The following SIPA1L1 variants were observed in gnomAD, a reference collection of about 807,000 sequenced individuals.
SIPA1L1 encodes signal induced proliferation associated 1 like 1, also known as signal-induced proliferation-associated 1-like protein 1.
SIPA1L1 carries 26 observed loss-of-function variants against 162.7 expected under a neutral mutation model. That is an observed-to-expected ratio of 0.16 (90% CI 0.12 to 0.22). The LOEUF (loss-of-function observed/expected upper bound fraction) is 0.22. Among genes scored for constraint, SIPA1L1 ranks in the 10% least tolerant of loss-of-function variants. SIPA1L1 has a pLI of 1.00. For missense variants in SIPA1L1, 1,874 were observed against 2,241.0 expected, an observed-to-expected ratio of 0.84 and a Z score of 3.31; for synonymous variants, 829 against 837.4, an observed-to-expected ratio of 0.99 and a Z score of 0.17.
chr14:71,360,801 G>GT (rs2037737232), intron 2 of SIPA1L1, among the ~76,000 whole-genome samples: 1 of 152,158 alleles, frequency 6.6e-6, no homozygotes, highest in Non-Finnish European at 1.5e-5. Context: ...ATGAGGAAAT[G>GT]TATCTACTTG....
chr14:71,673,337 A>G (rs894624206), intron 12 of SIPA1L1, among the ~76,000 whole-genome samples: 2 of 152,220 alleles, frequency 1.3e-5, no homozygotes, highest in African/African-American at 2.4e-5. Context: ...GGACATGCAC[A>G]TGCTATTTTT....
chr14:71,658,477 CATTTCCTCTAG>C, intron 9 of SIPA1L1, 41 bp downstream of exon 9: 1 of 1,280,560 alleles, frequency 7.8e-7, no homozygotes, highest in Non-Finnish European at 1.1e-6. Context: ...ACCCTTGTTT[CATTTCCTCTAG>C]AAGCCTAAGT....
intron 20 of SIPA1L1, among the ~76,000 whole-genome samples, chr14:71,732,764 CTCTG>C (rs1337808580): frequency 2.6e-5 from 4 of 152,210 alleles, no homozygotes; most frequent in African/African-American, 4.8e-5. Flanking sequence ...CCTGTCTTAG[CTCTG>C]TCTGAGTAAC....
Position 71,650,490 on chromosome 14 carries a change from A to T in SIPA1L1, c.1974A>T (p.Arg658=), listed in dbSNP as rs1356892958. The change falls in exon 8 of 24, where the codon CGA becomes CGT. Residue 658 remains arginine (R), a synonymous_variant. Transcript: ENST00000381232. ...GGCTCAAAGGATTTGAGAAGTATCGAGCACAGCTTGATACCAAAAGTAAGA... is the reference window on the plus strand; with the variant it reads ...GGCTCAAAGGATTTGAGAAGTATCGTGCACAGCTTGATACCAAAAGTAAGA... ...RVRLKGFEKY[R]AQLDTKTDST... 1 of 1,614,042 alleles carries T rather than the reference A, an allele frequency of 6.2e-7. No individual in the cohort carries two copies. Among genetic ancestry groups the T allele is most frequent in the East Asian group, 2.2e-5 (1 of 44,894 alleles).
intron 17 of SIPA1L1, among the ~76,000 whole-genome samples, chr14:71,720,759 T>A (rs2083652442): frequency 6.6e-6 from 1 of 152,120 alleles, no homozygotes; most frequent in African/African-American, 2.4e-5. Flanking sequence ...GTCAATTGAA[T>A]TTTTCAACTC....
intron 2 of SIPA1L1, among the ~76,000 whole-genome samples, chr14:71,453,202 T>G (rs1047243823): frequency 6.6e-6 from 1 of 152,250 alleles, no homozygotes; most frequent in African/African-American, 2.4e-5. Context: ...CAGAACAATA[T>G]GCCAATAATG....
intron 2 of SIPA1L1, among the ~76,000 whole-genome samples, chr14:71,496,282 A>G (rs1443225200): frequency 6.6e-6 from 1 of 152,182 alleles, no homozygotes; most frequent in African/African-American, 2.4e-5. Flanking sequence ...CAGTCTGGGC[A>G]ACATAGCGAG....
intron 10 of SIPA1L1, among the ~76,000 whole-genome samples, chr14:71,668,576 G>A (rs1028283231): frequency 1.3e-5 from 2 of 152,100 alleles, no homozygotes; most frequent in Non-Finnish European, 2.9e-5. Flanking sequence ...ATGTAAAATC[G>A]AGGTGAATTT....
At chr14:71,702,326 C>A in intron 14 of SIPA1L1, 55 bp from the exon 15 acceptor site, 2 of 1,597,624 alleles carry the variant, frequency 1.3e-6, no homozygotes, top group Non-Finnish European at 1.7e-6. Flanking sequence ...GGACTGCCTT[C>A]CCCTCATGGG....
intron 2 of SIPA1L1, among the ~76,000 whole-genome samples, chr14:71,407,921 A>G (rs2041330): frequency 0.33 from 50,555 of 152,012 alleles, 10,606 homozygotes; most frequent in Non-Finnish European, 0.45. Flanking sequence ...CTTGGATTCA[A>G]TTATATTCCA....
chr14:71,590,029 AAAAAAAAAAAAAAAAATATAT>A (rs2035084677), intron 5 of SIPA1L1, among the ~76,000 whole-genome samples: 4 of 61,046 alleles, frequency 6.6e-5, no homozygotes, highest in African/African-American at 2.1e-4. Flanking sequence ...AGTAAAAAAA[AAAAAAAAAAAAAAAAATATAT>A]ATATATATAT....
chr14:71,429,266 C>T (rs1008785713), intron 2 of SIPA1L1, among the ~76,000 whole-genome samples: 2 of 152,128 alleles, frequency 1.3e-5, no homozygotes, highest in Non-Finnish European at 2.9e-5. Context: ...CCACTTCCCT[C>T]GTCCTGGTTC....
intron 2 of SIPA1L1, among the ~76,000 whole-genome samples, chr14:71,471,776 G>C (rs975955502): frequency 6.6e-6 from 1 of 152,220 alleles, no homozygotes; most frequent in Admixed American, 6.5e-5. Flanking sequence ...TAAGTTTGAC[G>C]TGCTTGGGAG....
chr14:71,721,921 G>C (rs2083775259), intron 17 of SIPA1L1, among the ~76,000 whole-genome samples: 2 of 152,238 alleles, frequency 1.3e-5, no homozygotes, highest in Admixed American at 6.5e-5. Context: ...GGCAGAACCA[G>C]CTGGGACTCA....
chr14:71,409,037 T>C (rs538711016), intron 2 of SIPA1L1, among the ~76,000 whole-genome samples: 2 of 152,314 alleles, frequency 1.3e-5, no homozygotes, highest in South Asian at 4.1e-4. Flanking sequence ...CTACTGTGTG[T>C]TCCCCCGTGA....
intron 2 of SIPA1L1, among the ~76,000 whole-genome samples, chr14:71,332,218 T>C (rs1440041964): frequency 6.6e-6 from 1 of 152,172 alleles, no homozygotes; most frequent in African/African-American, 2.4e-5. Flanking sequence ...TTTATTCACT[T>C]TTCCTGTAAG....
intron 2 of SIPA1L1, among the ~76,000 whole-genome samples, chr14:71,385,399 C>A (rs1330550317): frequency 6.6e-6 from 1 of 152,090 alleles, no homozygotes; most frequent in Non-Finnish European, 1.5e-5. Context: ...GTTTTTGCTG[C>A]TGATTACTGA....
chr14:71,567,049 A>G (rs2030782998), intron 4 of SIPA1L1, among the ~76,000 whole-genome samples: 1 of 152,176 alleles, frequency 6.6e-6, no homozygotes, highest in Non-Finnish European at 1.5e-5. Flanking sequence ...AAATTCTCTA[A>G]TTATCAGGGA....
chr14:71,741,100 T>A lies in SIPA1L1; in HGVS notation c.*1939T>A, dbSNP rs1265141227. The A allele has an allele frequency of 6.6e-6, 1 of 152,234 alleles. No homozygotes were observed. The highest frequency in any genetic ancestry group is 1.5e-5 in the Non-Finnish European group (1 of 68,044). The allele number at this position is 152,234 out of a possible 1,614,324, so 9.4% of individuals were successfully genotyped here. A position where few individuals can be genotyped will look rare whatever the true frequency, so the allele number is the denominator to read the frequency against. On this transcript the variant is annotated 3_prime_UTR_variant, in exon 24 of 24. Coordinates refer to ENST00000381232, the MANE Select transcript of SIPA1L1 (RefSeq NM_001386936.1). The stretch of plus-strand genomic sequence containing the variant: ...ATTTGAAAGACCACCCAATAACTCA[T>A]TGACCCTCCTTGCATCCGAATTTTT...
Sources: allele counts gnomAD v4.1 joint callset (sites outside exome capture counted in the v4.1 genomes callset), GRCh38; gene constraint gnomAD v4.1.1; transcripts MANE v1.5; gene names NCBI Gene and HGNC (gene_info 2026-07-23, HGNC 2026-07-21).